PCCA: variants seen among roughly 807,000 people sequenced by gnomAD.
PCCA encodes propionyl-CoA carboxylase subunit alpha.
In PCCA, 74 loss-of-function variants were observed where a neutral mutation model predicts 101.3. The observed-to-expected ratio is 0.73, with a 90% CI of 0.61 to 0.89. The LOEUF (loss-of-function observed/expected upper bound fraction) is 0.89, where lower values mean the gene tolerates loss of function less well. PCCA is among the 40% of genes least tolerant of loss of function. The probability of loss-of-function intolerance (pLI) is 0.00; values close to 1 mark genes in which losing one functional copy is unlikely to be tolerated. For synonymous variants in PCCA, 294 were observed against 313.6 expected, an observed-to-expected ratio of 0.94 and a Z score of 0.66; for missense variants, 891 against 907.0, an observed-to-expected ratio of 0.98 and a Z score of 0.23.
rs763530693 is a variant in PCCA at position 100,340,138 on chromosome 13, GTTGA to G, written c.1541-12_1541-9del. Reference sequence around the variant, plus strand: ...AAATAAATGATTGATTGATTGATTGGTTGATTGATTTCCCTCAGGACACATGCTA... The same window carrying G: ...AAATAAATGATTGATTGATTGATTGGTTGATTTCCCTCAGGACACATGCTA... On this transcript the variant is annotated splice_polypyrimidine_tract_variant and intron_variant, in intron 17 of 23. Coordinates refer to ENST00000376285, the MANE Select transcript of PCCA (RefSeq NM_000282.4). The G allele has an allele frequency of 3.2e-5, 39 of 1,222,300 alleles. No individual in the cohort carries two copies. The highest frequency in any genetic ancestry group is 9.7e-6 in the Non-Finnish European group (8 of 822,234). The allele number at this position is 1,222,300 out of a possible 1,614,324, so 75.7% of individuals were successfully genotyped here. A position where few individuals can be genotyped will look rare whatever the true frequency, so the allele number is the denominator to read the frequency against.
rs1336812243 is a variant in PCCA, at chr13:100,089,098, A to T, written c.-23A>T. The T allele has an allele frequency of 1.4e-6, 2 of 1,463,630 alleles. No individual in the cohort carries two copies. The highest frequency in any genetic ancestry group is 4.7e-5 in the Admixed American group (2 of 42,972). The allele number at this position is 1,463,630 out of a possible 1,614,324, so 90.7% of individuals were successfully genotyped here. A position where few individuals can be genotyped will look rare whatever the true frequency, so the allele number is the denominator to read the frequency against. ...CTCCGGCTGTGTGAGAGGTCAGCAG[A>T]GGGGCGGTCTGCGGGGACAACAATG... On this transcript the variant is annotated 5_prime_UTR_variant, in exon 1 of 24. Transcript: ENST00000376285.
At chr13:100,237,984 G>A (rs2060907113) in intron 8 of PCCA, among the ~76,000 whole-genome samples, 1 of 148,382 alleles carries the variant, frequency 6.7e-6, no homozygotes, top group African/African-American at 2.5e-5. Flanking sequence ...TGTTGCCCAG[G>A]TTGGAGTGCA....
intron 19 of PCCA, among the ~76,000 whole-genome samples, chr13:100,404,876 G>C (rs2152860233): frequency 6.6e-6 from 1 of 152,258 alleles, no homozygotes; most frequent in East Asian, 1.9e-4. Flanking sequence ...TAATCAGCAG[G>C]AATCAGCCAC....
At chr13:100,154,920 A>C (rs1276965216) in intron 4 of PCCA, 59 bp from the exon 5 acceptor site, 1 of 1,081,910 alleles carries the variant, frequency 9.2e-7, no homozygotes, top group African/African-American at 1.5e-5. Flanking sequence ...GTGTATTTGC[A>C]GATGATGGTA....
At chr13:100,447,699 T>C (rs2080938904) in intron 20 of PCCA, among the ~76,000 whole-genome samples, 1 of 151,750 alleles carries the variant, frequency 6.6e-6, no homozygotes, top group African/African-American at 2.4e-5. Context: ...AGAAGTGACA[T>C]GGGTCAAAAT....
At chr13:100,385,266 G>A (rs951884927) in intron 19 of PCCA, among the ~76,000 whole-genome samples, 1 of 152,116 alleles carries the variant, frequency 6.6e-6, no homozygotes, top group African/African-American at 2.4e-5. Context: ...AGGATAATAA[G>A]TCAAGATAAT....
chr13:100,477,379 C>G (rs1200143120), intron 21 of PCCA: 2 of 152,144 alleles, frequency 1.3e-5, no homozygotes, highest in African/African-American at 4.8e-5. Context: ...GCTGCTTCCT[C>G]AAGGCAACTA....
At chr13:100,251,980 C>G (rs118087476) in intron 8 of PCCA, among the ~76,000 whole-genome samples, 564 of 116,448 alleles carry the variant, frequency 4.8e-3, no homozygotes, top group Non-Finnish European at 8.0e-3. Context: ...CAAACCCACA[C>G]TTTCCCTTCT....
chr13:100,350,434 C>G (rs184521496), intron 18 of PCCA, among the ~76,000 whole-genome samples: 1 of 152,110 alleles, frequency 6.6e-6, no homozygotes, highest in African/African-American at 2.4e-5. Flanking sequence ...GCAAATAAAT[C>G]CCCTAAAAGC....
chr13:100,494,555 C>T (rs958612529), intron 21 of PCCA, among the ~76,000 whole-genome samples: 22 of 152,064 alleles, frequency 1.4e-4, no homozygotes, highest in Middle Eastern at 3.4e-3. Context: ...TGGTGGTGCA[C>T]GCCTGTAATC....
chr13:100,352,351 T>C (rs2073368351), intron 18 of PCCA, among the ~76,000 whole-genome samples: 1 of 151,938 alleles, frequency 6.6e-6, no homozygotes, highest in African/African-American at 2.4e-5. Flanking sequence ...TTCGTAATAT[T>C]ATTATCAGTA....
intron 4 of PCCA, chr13:100,151,077 TGTACTC>T: frequency 6.6e-7 from 1 of 1,526,386 alleles, no homozygotes; most frequent in Non-Finnish European, 9.1e-7. Flanking sequence ...AGCTCCTGGA[TGTACTC>T]GTATGCACCC....
At chr13:100,452,081 C>T (rs1425998395) in intron 21 of PCCA, among the ~76,000 whole-genome samples, 34 of 113,124 alleles carry the variant, frequency 3.0e-4, no homozygotes, top group Non-Finnish European at 5.4e-4. Context: ...CCTCTCTCCT[C>T]TTCCTCCTCT....
At chr13:100,265,655 A>T (rs1438145950) in intron 10 of PCCA, among the ~76,000 whole-genome samples, 3 of 152,120 alleles carry the variant, frequency 2.0e-5, no homozygotes, top group Admixed American at 1.3e-4. Context: ...TATTGAATCT[A>T]GAGATTATTC....
intron 8 of PCCA, among the ~76,000 whole-genome samples, chr13:100,245,416 A>T (rs1240952250): frequency 6.6e-6 from 1 of 152,202 alleles, no homozygotes; most frequent in Non-Finnish European, 1.5e-5. Flanking sequence ...CCAGACCTCG[A>T]CTATACCACA....
intron 21 of PCCA, among the ~76,000 whole-genome samples, chr13:100,483,463 G>A (rs1033795760): frequency 4.6e-5 from 7 of 152,200 alleles, no homozygotes; most frequent in Admixed American, 2.6e-4. Context: ...GCATGTGACC[G>A]TTTGTGCTGG....
At chr13:100,182,437 C>A (rs2056888524) in intron 6 of PCCA, among the ~76,000 whole-genome samples, 1 of 152,130 alleles carries the variant, frequency 6.6e-6, no homozygotes, top group East Asian at 1.9e-4. Context: ...ACTTAAAGCA[C>A]ATTAAACTTT....
At chr13:100,426,182 A>G (rs984469640) in intron 20 of PCCA, among the ~76,000 whole-genome samples, 1 of 152,190 alleles carries the variant, frequency 6.6e-6, no homozygotes, top group African/African-American at 2.4e-5. Flanking sequence ...ATCTTAACTT[A>G]TTAATCTTTC....
At chr13:100,455,995 C>A (rs888183499) in intron 21 of PCCA, among the ~76,000 whole-genome samples, 5 of 152,140 alleles carry the variant, frequency 3.3e-5, no homozygotes. Flanking sequence ...CCACCATGCC[C>A]GGCCATATGC....
Sources: allele counts gnomAD v4.1 joint callset (sites outside exome capture counted in the v4.1 genomes callset), GRCh38; gene constraint gnomAD v4.1.1; transcripts MANE v1.5; gene names NCBI Gene and HGNC (gene_info 2026-07-23, HGNC 2026-07-21).